CUBN: variants seen among roughly 807,000 people sequenced by gnomAD.
The protein encoded by CUBN is 460 kDa receptor.
In CUBN, 282 loss-of-function variants were observed where a neutral mutation model predicts 405.3. The observed-to-expected ratio is 0.70, with a 90% confidence interval of 0.63 to 0.77. CUBN has a LOEUF of 0.77. CUBN is among the 30% of genes least tolerant of loss of function. The pLI is 0.00. For synonymous variants in CUBN, 1,684 were observed against 1,617.0 expected (o/e 1.04, Z -0.99); for missense variants, 4,514 against 4,475.2 (o/e 1.01, Z -0.25).
chr10:16,841,446 T>C (rs1397963806), intron 60 of CUBN, among the ~76,000 whole-genome samples: 1 of 152,134 alleles, frequency 6.6e-6, no homozygotes, highest in Admixed American at 6.6e-5. Context: ...CCTCAAAATG[T>C]CATCGAGAGG....
intron 17 of CUBN, among the ~76,000 whole-genome samples, chr10:17,077,120 A>T (rs1312057001): frequency 6.6e-6 from 1 of 152,216 alleles, no homozygotes; most frequent in Non-Finnish European, 1.5e-5. Context: ...CAAGGAAACA[A>T]CAAGAACCAA....
intron 27 of CUBN, among the ~76,000 whole-genome samples, chr10:17,020,336 A>G (rs990227791): frequency 6.6e-6 from 1 of 152,220 alleles, no homozygotes; most frequent in African/African-American, 2.4e-5. Flanking sequence ...AGCAGCTATT[A>G]TAATTGTAAG....
chr10:16,882,627 C>T (rs977323687), intron 56 of CUBN, among the ~76,000 whole-genome samples: 2 of 152,050 alleles, frequency 1.3e-5, no homozygotes, highest in African/African-American at 4.8e-5. Context: ...GGGCGTGGGC[C>T]GAGACACCAA....
chr10:16,887,435 T>C (rs1349340889), intron 56 of CUBN, among the ~76,000 whole-genome samples: 2 of 152,228 alleles, frequency 1.3e-5, no homozygotes, highest in Non-Finnish European at 2.9e-5. Flanking sequence ...CTCTGTAACA[T>C]ATTTTCAATA....
chr10:17,107,710 G>A (rs1465879985), intron 10 of CUBN, among the ~76,000 whole-genome samples: 4 of 151,976 alleles, frequency 2.6e-5, no homozygotes, highest in Non-Finnish European at 5.9e-5. Context: ...TGTTGGCCAG[G>A]ATGGTCTCTA....
At chr10:17,010,537 GCT>G (rs1834151953) in intron 28 of CUBN, among the ~76,000 whole-genome samples, 4 of 152,088 alleles carry the variant, frequency 2.6e-5, no homozygotes, top group Admixed American at 2.0e-4. Context: ...TACTCAAGAG[GCT>G]GAAGTGAGAG....
intron 59 of CUBN, among the ~76,000 whole-genome samples, chr10:16,865,636 C>T (rs370585607): frequency 2.6e-4 from 40 of 151,988 alleles, no homozygotes; most frequent in African/African-American, 8.9e-4. Context: ...CACCAATCAA[C>T]GCTCTGTAAA....
At chr10:16,829,140 C>G (rs1207538033) in intron 65 of CUBN, 100 bp from the exon 66 acceptor site, 2 of 840,588 alleles carry the variant, frequency 2.4e-6, no homozygotes, top group Admixed American at 4.0e-5. Flanking sequence ...GGTGCTGAGA[C>G]TCTGCAAGAA....
In CUBN at chr10:16,919,695, G is replaced by A. The variant is rs1322980750; in HGVS notation, c.6821+268C>T. 2.6e-5 allele frequency among the ~76,000 whole-genome samples: 4 copies of A among 152,260 alleles called. No homozygotes were observed. The East Asian group carries it at 5.8e-4, about 22-fold the overall frequency. On this transcript the variant is annotated intron_variant, in intron 44 of 66. Transcript: ENST00000377833. ...TATATTTCCTGTGGGAGGAAGAATG[G>A]ATAACATCAATCTCAAGTAGCCACC...
chr10:16,864,661 T>TC (rs1334609448), intron 59 of CUBN, among the ~76,000 whole-genome samples: 12 of 141,120 alleles, frequency 8.5e-5, no homozygotes, highest in Non-Finnish European at 1.8e-4. Flanking sequence ...TTCTTTCTTT[T>TC]TTTTTTTTTT....
intron 43 of CUBN, among the ~76,000 whole-genome samples, chr10:16,922,379 T>C (rs1207630720): frequency 6.6e-6 from 1 of 152,144 alleles, no homozygotes; most frequent in Non-Finnish European, 1.5e-5. Flanking sequence ...ATTGCCTTAG[T>C]TCAGGGAGTA....
intron 28 of CUBN, among the ~76,000 whole-genome samples, chr10:16,999,217 G>A (rs1449223546): frequency 6.6e-6 from 1 of 152,176 alleles, no homozygotes; most frequent in Non-Finnish European, 1.5e-5. Context: ...GACTATCTAA[G>A]ATGGCCTAGA....
At position 16,825,030 on chromosome 10, in the gene CUBN, A is replaced by C. The variant is rs1411041552; in HGVS notation, c.10817T>G (p.Phe3606Cys). Reference sequence around the variant, plus strand: ...TGGACGCCGTGCATAATCAGCATGAAATTTTATGAAGACCTGATTTGAGGA... The same window carrying C: ...TGGACGCCGTGCATAATCAGCATGACATTTTATGAAGACCTGATTTGAGGA... ...VASSNQVFIK[F>C]HADYARRPSA... is the part of the protein sequence containing the mutation. The change falls in exon 67 of 67, where the codon TTT (phenylalanine) becomes TGT (cysteine). Residue 3606 changes from phenylalanine to cysteine, a missense_variant. This residue lies in a region of CUBN where 1,186 missense variants were observed against 1,186.9 expected (regional missense o/e 1.00). Coordinates refer to ENST00000377833, the MANE Select transcript of CUBN (RefSeq NM_001081.4). The C allele has an allele frequency of 4.3e-6, 7 of 1,614,046 alleles. No individual in the cohort carries two copies. The highest frequency in any genetic ancestry group is 5.9e-6 in the Non-Finnish European group (7 of 1,179,972).
rs1311218466 is a variant in CUBN at position 17,071,989 on chromosome 10, A to G, written c.2302-18T>C. The G allele has an allele frequency of 6.2e-7, 1 of 1,600,522 alleles. No individual in the cohort carries two copies. The highest frequency in any genetic ancestry group is 1.1e-5 in the South Asian group (1 of 89,920). ...TCTCGAACCTAAAGAGAAAAATAAA[A>G]TAGAGATGTAATTCAAATAAAGAAA... is the stretch of plus-strand genomic sequence containing the variant. On this transcript the variant is annotated intron_variant, in intron 17 of 66. Transcript: ENST00000377833.
chr10:17,125,852 C>T (rs1010506731), intron 4 of CUBN, among the ~76,000 whole-genome samples: 9 of 152,156 alleles, frequency 5.9e-5, no homozygotes, highest in African/African-American at 2.2e-4. Flanking sequence ...CATTTTCTTT[C>T]GCTTAACTAC....
At chr10:17,045,222 C>G in intron 24 of CUBN, 34 bp from the exon 25 acceptor site, 1 of 1,604,470 alleles carries the variant, frequency 6.2e-7, no homozygotes, top group South Asian at 1.1e-5. Context: ...ACACACACCC[C>G]TTTCCTTCTG....
Position 17,105,470 on chromosome 10 carries a change from T to C in CUBN, c.1217A>G (p.Asn406Ser). 1.9e-6 allele frequency: 3 copies of C among 1,590,922 alleles called. No homozygotes were observed. Among genetic ancestry groups the C allele is most frequent in the Non-Finnish European group, 2.6e-6 (3 of 1,158,490 alleles). The change falls in exon 11 of 67, where the codon AAT becomes AGT. Residue 406 changes from asparagine to serine, a missense_variant. Transcript: ENST00000377833. ...SNICLSHPCL[N>S]GQCIDTVSGY... Reference sequence around the variant, plus strand: ...CAAAGGACTCACGATGCATTGTCCATTTAGACAGGGGTGACTTAGGCAAAT... The same window carrying C: ...CAAAGGACTCACGATGCATTGTCCACTTAGACAGGGGTGACTTAGGCAAAT...
intron 17 of CUBN, among the ~76,000 whole-genome samples, chr10:17,078,620 A>G (rs1835902597): frequency 6.6e-6 from 1 of 152,174 alleles, no homozygotes; most frequent in Non-Finnish European, 1.5e-5. Context: ...TAGCATGGTG[A>G]CTGAAACCTA....
At chr10:16,843,079 G>A (rs559532035) in intron 60 of CUBN, among the ~76,000 whole-genome samples, 96 of 152,042 alleles carry the variant, frequency 6.3e-4, no homozygotes, top group African/African-American at 2.1e-3. Context: ...TACTTTGTCC[G>A]GTCTCTTTCC....
Sources: allele counts gnomAD v4.1 joint callset (sites outside exome capture counted in the v4.1 genomes callset), GRCh38; gene constraint gnomAD v4.1.1; regional missense constraint gnomAD v4.1.1; transcripts MANE v1.5; gene names NCBI Gene and HGNC (gene_info 2026-07-23, HGNC 2026-07-21).